The following PSD3 variants were observed in gnomAD, a reference collection of about 807,000 sequenced individuals.
PSD3 encodes pleckstrin and Sec7 domain containing 3.
A neutral mutation model predicts 105.5 loss-of-function variants in PSD3; 49 were observed. The ratio of observed to expected loss-of-function variants is 0.46; its 90% confidence interval spans 0.37 to 0.59. PSD3 has a LOEUF of 0.59. Ranked by LOEUF, PSD3 falls within the 20% of genes least tolerant of loss-of-function variation. PSD3 has a pLI of 0.00. For missense variants in PSD3, 1,561 were observed against 1,263.8 expected (o/e 1.24, Z -3.57); for synonymous variants, 557 against 457.8 (o/e 1.22, Z -2.77).
intron 12 of PSD3, among the ~76,000 whole-genome samples, chr8:18,595,711 G>C (rs1374741050): frequency 2.0e-5 from 3 of 151,964 alleles, no homozygotes; most frequent in Admixed American, 6.6e-5. Flanking sequence ...TCACCACACA[G>C]TTGTAACCAT....
In PSD3 at chr8:18,797,342, G is replaced by T. The variant is rs17127216; in HGVS notation, c.2082+1953C>A. 4.6e-3 allele frequency among the ~76,000 whole-genome samples: 698 copies of T among 152,086 alleles called. 5 individuals are homozygous for T. The highest frequency in any genetic ancestry group is 0.016 in the African/African-American group (650 of 41,490). On this transcript the variant is annotated intron_variant, in intron 8 of 15. Transcript: ENST00000327040. The stretch of plus-strand genomic sequence containing the variant: ...CCTCTTCTATCAGTAATTTTGCCAC[G>T]ACTGCCAATTATTAATTATCCATGA...
At chr8:18,608,147 G>A (rs1466834720) in intron 11 of PSD3, among the ~76,000 whole-genome samples, 1 of 152,138 alleles carries the variant, frequency 6.6e-6, no homozygotes, top group African/African-American at 2.4e-5. Context: ...TTCAGTCCAG[G>A]AGGTTGAGGC....
intron 1 of PSD3, among the ~76,000 whole-genome samples, chr8:18,945,847 C>A (rs1455055227): frequency 1.1e-5 from 1 of 94,276 alleles, no homozygotes; most frequent in Non-Finnish European, 2.4e-5. Context: ...CAGTGGTGCA[C>A]ACTTGTAATC....
chr8:18,838,455 A>C (rs1814318034), intron 4 of PSD3, among the ~76,000 whole-genome samples: 1 of 152,194 alleles, frequency 6.6e-6, no homozygotes, highest in Admixed American at 6.5e-5. Flanking sequence ...TTTAAAAATA[A>C]ATAAATGAAG....
At chr8:19,021,490 A>T (rs1373440332) in intron 1 of PSD3, among the ~76,000 whole-genome samples, 2 of 152,014 alleles carry the variant, frequency 1.3e-5, no homozygotes, top group Non-Finnish European at 2.9e-5. Context: ...CTAAAAAGAC[A>T]GATTTGGTCA....
In PSD3 at chr8:18,561,379, G is replaced by A. The variant is rs534408205; in HGVS notation, c.2785-5027C>T. ...TGCTAACTGAAGTAAGACCGGCACAGAAAGACAGATATTGGATGATCTCAT... is the reference window on the plus strand; with the variant it reads ...TGCTAACTGAAGTAAGACCGGCACAAAAAGACAGATATTGGATGATCTCAT... On this transcript the variant is annotated intron_variant, in intron 14 of 15. Coordinates refer to ENST00000327040, the MANE Select transcript of PSD3 (RefSeq NM_015310.4). 1.1e-4 allele frequency among the ~76,000 whole-genome samples: 17 copies of A among 152,284 alleles called. No homozygotes were observed. In the South Asian group the frequency reaches 2.5e-3, roughly 22 times the overall value.
At chr8:19,015,754 G>A (rs182998962), upstream of PSD3, among the ~76,000 whole-genome samples, 92 of 152,294 alleles carry the variant, frequency 6.0e-4, 2 homozygotes, top group South Asian at 0.014. Context: ...ATACAGAAGT[G>A]TTATTAGCAT....
At chr8:18,605,452 T>C (rs1804751073) in intron 11 of PSD3, among the ~76,000 whole-genome samples, 1 of 152,044 alleles carries the variant, frequency 6.6e-6, no homozygotes, top group African/African-American at 2.4e-5. Flanking sequence ...ATCTTGGGAG[T>C]AACTAACTTG....
At chr8:18,961,366 G>A (rs1367184880) in intron 1 of PSD3, among the ~76,000 whole-genome samples, 4 of 152,096 alleles carry the variant, frequency 2.6e-5, no homozygotes, top group African/African-American at 4.8e-5. Flanking sequence ...AAGACAAGGA[G>A]GACAAAAATA....
intron 1 of PSD3, among the ~76,000 whole-genome samples, chr8:19,042,859 A>G (rs190807170): frequency 1.3e-5 from 2 of 152,340 alleles, no homozygotes; most frequent in East Asian, 1.9e-4. Flanking sequence ...GCACAACCTT[A>G]TAAGAAGAAA....
At chr8:18,788,462 C>T (rs533248138) in intron 8 of PSD3, among the ~76,000 whole-genome samples, 106 of 152,274 alleles carry the variant, frequency 7.0e-4, no homozygotes, top group Middle Eastern at 6.8e-3. Flanking sequence ...CTGACCATCG[C>T]CTAACTTAAA....
chr8:18,841,424 A>C (rs1325068236), intron 4 of PSD3, among the ~76,000 whole-genome samples: 1 of 151,838 alleles, frequency 6.6e-6, no homozygotes, highest in Non-Finnish European at 1.5e-5. Context: ...ATAAAACTTA[A>C]AGTTCTTAGT....
chr8:18,930,172 T>C (rs945875029), intron 2 of PSD3, among the ~76,000 whole-genome samples: 2 of 152,124 alleles, frequency 1.3e-5, no homozygotes, highest in Non-Finnish European at 2.9e-5. Context: ...AGACTCACAC[T>C]TCCAGAAACG....
chr8:18,694,558 C>A (rs371314374), intron 9 of PSD3, among the ~76,000 whole-genome samples: 2 of 150,896 alleles, frequency 1.3e-5, no homozygotes, highest in African/African-American at 4.9e-5. Context: ...TGCAGTGAGC[C>A]GAGATCGTGC....
At chr8:18,613,238 G>A (rs1805403539) in intron 11 of PSD3, among the ~76,000 whole-genome samples, 1 of 152,068 alleles carries the variant, frequency 6.6e-6, no homozygotes. Flanking sequence ...CAGACTGCCG[G>A]TCCGGATGAA....
chr8:18,826,194 T>C (rs865820491), intron 4 of PSD3, among the ~76,000 whole-genome samples: 5 of 152,224 alleles, frequency 3.3e-5, no homozygotes, highest in African/African-American at 1.2e-4. Flanking sequence ...ATCTAAATTA[T>C]CAGCTCTCTG....
In PSD3 at chr8:18,530,661, AG is replaced by A. The variant is rs1799596623; in HGVS notation, c.*5081del. 2 of 151,326 alleles carry A rather than the reference AG, an allele frequency of 1.3e-5. No homozygotes were observed. Among genetic ancestry groups the A allele is most frequent in the African/African-American group, 4.9e-5 (2 of 41,152 alleles). 9.4% of individuals were successfully genotyped at this position (151,326 alleles called of 1,614,324 possible). ...TGACTTTAAGTGCTCTTAATACTAA[AG>A]TTACTAAGACTGCACAGGCTGCCTT... On this transcript the variant is annotated 3_prime_UTR_variant, in exon 16 of 16. Transcript: ENST00000327040.
intron 9 of PSD3, among the ~76,000 whole-genome samples, chr8:18,753,592 A>G (rs1232621799): frequency 6.6e-6 from 1 of 152,192 alleles, no homozygotes; most frequent in Non-Finnish European, 1.5e-5. Context: ...ACAAGCAAAT[A>G]AAATGTTTTA....
chr8:19,043,660 T>G (rs1828210060), intron 1 of PSD3, among the ~76,000 whole-genome samples: 1 of 152,120 alleles, frequency 6.6e-6, no homozygotes, highest in Non-Finnish European at 1.5e-5. Context: ...GGTTAAGCAC[T>G]AAGAGCTCCA....
Sources: gnomAD v4.1 joint callset for allele counts (sites outside exome capture counted in the v4.1 genomes callset) on GRCh38, gnomAD v4.1.1 for gene constraint, MANE v1.5 for transcripts, NCBI Gene and HGNC (gene_info 2026-07-23, HGNC 2026-07-21) for gene names.